AHNAK2: variants seen among roughly 807,000 people sequenced by gnomAD.
The protein encoded by AHNAK2 is AHNAK nucleoprotein 2.
Under a neutral mutation model 30.7 loss-of-function variants are expected in AHNAK2, and 18 were observed. The ratio of observed to expected loss-of-function variants is 0.59; its 90% confidence interval spans 0.41 to 0.87. The LOEUF (loss-of-function observed/expected upper bound fraction) is 0.87. Among genes scored for constraint, AHNAK2 ranks in the 40% least tolerant of loss-of-function variants. The pLI, the probability that AHNAK2 is intolerant of heterozygous loss-of-function variation, is 0.00. For missense variants in AHNAK2, 8,604 were observed against 7,373.0 expected (o/e 1.17, Z -6.11); for synonymous variants, 3,590 against 3,073.8 (o/e 1.17, Z -5.56).
At position 104,947,276 on chromosome 14, in the gene AHNAK2, GGCTCCCTC is replaced by G; in HGVS notation, c.8167_8174del (p.Glu2723ArgfsTer18). ...GCTTGGGCAGGTGCCCTTTGAGGCCGGCTCCCTCGGGAACGTGGCCCTCTGGGAGTTTC... is the reference window on the plus strand; with the variant it reads ...GCTTGGGCAGGTGCCCTTTGAGGCCGGGGAACGTGGCCCTCTGGGAGTTTC... On this transcript the variant is annotated frameshift_variant, in exon 7 of 7. Coordinates refer to ENST00000333244, the MANE Select transcript of AHNAK2 (RefSeq NM_138420.4). LOFTEE classifies it low-confidence loss of function (END_TRUNC). 6.2e-7 allele frequency: 1 copy of G among 1,611,314 alleles called. No homozygotes were observed. The highest frequency in any genetic ancestry group is 8.5e-7 in the Non-Finnish European group (1 of 1,179,282).
Position 104,951,379 on chromosome 14 carries a change from C to T in AHNAK2, c.4072G>A (p.Val1358Met). ...GAGGGGAGGCTCATGTCGGCCTCCA[C>T]CTTGGGTGCAGACAGGTCCACGGAG... ...EASVDLSAPK[V>M]EADMSLPSMQ... The change falls in exon 7 of 7, where the codon GTG (valine) becomes ATG (methionine). Residue 1358 changes from valine (V) to methionine (M), a missense_variant. Transcript: ENST00000333244. 1 of 1,073,878 alleles carries T rather than the reference C, an allele frequency of 9.3e-7. No individual in the cohort carries two copies. The highest frequency in any genetic ancestry group is 1.4e-6 in the Non-Finnish European group (1 of 738,416). 66.5% of individuals were successfully genotyped at this position (1,073,878 alleles called of 1,614,324 possible). A position where few individuals can be genotyped will look rare whatever the true frequency, so the allele number is the denominator to read the frequency against.
chr14:104,942,086 G>C lies in AHNAK2; in HGVS notation c.13365C>G (p.Asp4455Glu). The change falls in exon 7 of 7, where the codon GAC becomes GAG. Residue 4455 changes from aspartate to glutamate, a missense_variant. Coordinates refer to ENST00000333244, the MANE Select transcript of AHNAK2 (RefSeq NM_138420.4). Reference sequence around the variant, plus strand: ...TGAACTTGCTGTCTTTGGCAGTCACGTCCTTGTCAGCCAGGGACAGGTCCC... The same window carrying C: ...TGAACTTGCTGTCTTTGGCAGTCACCTCCTTGTCAGCCAGGGACAGGTCCC... ...LEGDLSLADK[D>E]VTAKDSKFKM... is the part of the protein sequence containing the mutation. 6.2e-7 allele frequency: 1 copy of C among 1,609,194 alleles called. No homozygotes were observed. The highest frequency in any genetic ancestry group is 8.5e-7 in the Non-Finnish European group (1 of 1,178,170).
At position 104,944,911 on chromosome 14, in the gene AHNAK2, C is replaced by G; in HGVS notation, c.10540G>C (p.Gly3514Arg). 8 of 1,613,182 alleles carry G rather than the reference C, an allele frequency of 5.0e-6. No homozygotes were observed. The highest frequency in any genetic ancestry group is 6.8e-6 in the Non-Finnish European group (8 of 1,179,600). ...EADVSLSSMQ[G>R]DLKATDLSIQ... ...CTGAGGTCAGTGGCCTTGAGGTCCC[C>G]CTGCATGGAGGAGAGGCTCACGTCG... Residue 3514 changes from glycine (G) to arginine (R), a missense_variant, in exon 7 of 7, where the codon GGG (glycine) becomes CGG (arginine). By Grantham distance (125) the Gly-to-Arg change is moderately radical. Coordinates refer to ENST00000333244, the MANE Select transcript of AHNAK2 (RefSeq NM_138420.4).
chr14:104,945,747 T>A lies in AHNAK2; in HGVS notation c.9704A>T (p.Lys3235Met), dbSNP rs368948918. Residue 3235 changes from lysine to methionine, a missense_variant, in exon 7 of 7, where the codon AAG becomes ATG. Physicochemically the swap from Lys to Met is moderately conservative, Grantham distance 95 (BLOSUM62 -1). Coordinates refer to ENST00000333244, the MANE Select transcript of AHNAK2 (RefSeq NM_138420.4). ...HLPKLQMPSFKMPKVDRKGPQ... is the reference protein window; with the variant it reads ...HLPKLQMPSFMMPKVDRKGPQ... ...GCCCTTGCGATCTACTTTGGGCATC[T>A]TGAAACTGGGCATCTGCAACTTGGG... 61 of 1,597,634 alleles carry A rather than the reference T, an allele frequency of 3.8e-5. 1 individual carries two copies. Among genetic ancestry groups the A allele is most frequent in the Non-Finnish European group, 5.1e-5 (60 of 1,170,704 alleles).
At chr14:104,957,593 C>T (rs1208295636) in intron 2 of AHNAK2, 21 bp downstream of exon 2, 4 of 1,607,874 alleles carry the variant, frequency 2.5e-6, no homozygotes, top group African/African-American at 2.7e-5. Flanking sequence ...GGAGGACACA[C>T]TTCCTCCTGC....
At chr14:104,964,178 A>G (rs1378272817) in intron 1 of AHNAK2, among the ~76,000 whole-genome samples, 1 of 152,244 alleles carries the variant, frequency 6.6e-6, no homozygotes, top group Non-Finnish European at 1.5e-5. Flanking sequence ...TATGGGCAAG[A>G]AAACACTGGA....
intron 1 of AHNAK2, among the ~76,000 whole-genome samples, chr14:104,971,139 C>T (rs1233480169): frequency 1.3e-5 from 2 of 152,140 alleles, no homozygotes; most frequent in Non-Finnish European, 2.9e-5. Context: ...TTTTTTGAAA[C>T]AGGGTCTCTC....
Position 104,941,296 on chromosome 14 carries a change from C to T in AHNAK2, c.14155G>A (p.Asp4719Asn). The change falls in exon 7 of 7, where the codon GAT (aspartate) becomes AAT (asparagine). Residue 4719 changes from aspartate (D) to asparagine (N), a missense_variant. Physicochemically the swap from Asp to Asn is conservative, Grantham distance 23. Transcript: ENST00000333244. ...GACTTTGCACCTGGGACTAAACTAT[C>T]TTTAGGAGTTTTGGTAGAAGAAAAT... ...VSFSSTKTPK[D>N]SLVPGAKSSI... 3 of 1,613,570 alleles carry T rather than the reference C, an allele frequency of 1.9e-6. No individual in the cohort carries two copies. The highest frequency in any genetic ancestry group is 2.5e-6 in the Non-Finnish European group (3 of 1,179,854).
intron 5 of AHNAK2, 111 bp downstream of exon 5, chr14:104,955,372 G>C (rs759619237): frequency 1.1e-4 from 154 of 1,446,434 alleles, no homozygotes; most frequent in Non-Finnish European, 1.4e-4. Flanking sequence ...AGAGGCGTGA[G>C]GAGGTCATCC....
Position 104,952,978 on chromosome 14 carries a change from CCTT to C in AHNAK2, c.2470_2472del (p.Lys824del), listed in dbSNP as rs755994272. On this transcript the variant is annotated inframe_deletion, in exon 7 of 7. Coordinates refer to ENST00000333244, the MANE Select transcript of AHNAK2 (RefSeq NM_138420.4). ...AACTTGCTGTCTTTGGCAGTCACCT[CCTT>C]GTCGGCCAGGGACAGGTCCCCCTCC... 1.2e-4 allele frequency: 192 copies of C among 1,612,768 alleles called. No homozygotes were observed. The highest frequency in any genetic ancestry group is 4.7e-4 in the Admixed American group (28 of 59,940).
chr14:104,968,667 G>C (rs1310049620), intron 1 of AHNAK2, among the ~76,000 whole-genome samples: 3 of 152,242 alleles, frequency 2.0e-5, no homozygotes, highest in Non-Finnish European at 2.9e-5. Flanking sequence ...GGGTGCATTT[G>C]CAAGTCCCCA....
intron 1 of AHNAK2, among the ~76,000 whole-genome samples, chr14:104,975,158 G>T (rs1899562891): frequency 6.6e-6 from 1 of 152,230 alleles, no homozygotes; most frequent in Non-Finnish European, 1.5e-5. Flanking sequence ...GACGAGCCCG[G>T]ATGGGAGTGG....
intron 1 of AHNAK2, among the ~76,000 whole-genome samples, chr14:104,961,469 C>A (rs975387141): frequency 6.7e-6 from 1 of 149,070 alleles, no homozygotes; most frequent in African/African-American, 2.5e-5. Flanking sequence ...GAGCCGAGAT[C>A]GCGTCACTGC....
chr14:104,948,324 T>C lies in AHNAK2; in HGVS notation c.7127A>G (p.Glu2376Gly), dbSNP rs888958577. Residue 2376 changes from glutamate to glycine, a missense_variant, in exon 7 of 7, where the codon GAG becomes GGG. Transcript: ENST00000333244. ...LSVQPPSADLEVQAGQVDVKL... is the reference protein window; with the variant it reads ...LSVQPPSADLGVQAGQVDVKL... ...CACATCCACTTGGCCAGCCTGGACC[T>C]CCAGGTCAGCGGAAGGGGGCTGAAC... 2 of 1,612,368 alleles carry C rather than the reference T, an allele frequency of 1.2e-6. No individual in the cohort carries two copies. The highest frequency in any genetic ancestry group is 2.2e-5 in the South Asian group (2 of 91,030).
rs1411414301 is a variant in AHNAK2 at position 104,953,514 on chromosome 14, G to T, written c.1937C>A (p.Thr646Lys). The change falls in exon 7 of 7, where the codon ACA becomes AAA. Residue 646 changes from threonine to lysine, a missense_variant. Physicochemically the swap from Thr to Lys is moderately conservative, Grantham distance 78. Transcript: ENST00000333244. ...TTCATCGTGTATTAGTTGTATTTTT[G>T]TTGTGTTTGTCATTGAGTCACTGTC... ...KEDSDSMTNTTKIQLIHDEKR... is the reference protein window; with the variant it reads ...KEDSDSMTNTKKIQLIHDEKR... 6.2e-6 allele frequency: 10 copies of T among 1,613,748 alleles called. 1 individual carries two copies. In the Admixed American group the frequency reaches 1.5e-4, roughly 24 times the overall value.
intron 1 of AHNAK2, among the ~76,000 whole-genome samples, chr14:104,960,224 G>A (rs1412648555): frequency 1.3e-5 from 2 of 152,176 alleles, no homozygotes; most frequent in South Asian, 2.1e-4. Context: ...AAAGGAGTAG[G>A]AGGAGAGGGT....
In AHNAK2 at chr14:104,941,129, G is replaced by T; in HGVS notation, c.14322C>A (p.Leu4774=). 2.5e-6 allele frequency: 4 copies of T among 1,613,612 alleles called. No homozygotes were observed. Among genetic ancestry groups the T allele is most frequent in the Non-Finnish European group, 3.4e-6 (4 of 1,179,892 alleles). Residue 4774 remains leucine, a synonymous_variant, in exon 7 of 7, where the codon CTC becomes CTA. Transcript: ENST00000333244. ...TAGAAGATTCAAAGTGAGGACCAGTGAGATCAAGCCGGGATGATGGAAACC... is the reference window on the plus strand; with the variant it reads ...TAGAAGATTCAAAGTGAGGACCAGTTAGATCAAGCCGGGATGATGGAAACC... ...FAGFPSSRLD[L]TGPHFESSIL... is the part of the protein sequence containing the mutation.
chr14:104,949,170 T>C lies in AHNAK2; in HGVS notation c.6281A>G (p.Lys2094Arg), dbSNP rs757817522. 4 of 1,071,716 alleles carry C rather than the reference T, an allele frequency of 3.7e-6. No homozygotes were observed. The African/African-American group carries it at 4.2e-5, about 11-fold the overall frequency. The allele number at this position is 1,071,716 out of a possible 1,614,324, so 66.4% of individuals were successfully genotyped here. ...VDLKGPQVDI[K>R]GPKLDLKDPK... ...GTCTTTTAGGTCCAGTTTGGGGCCC[T>C]TGATGTCCACCTGGGGGCCCTTGAG... The change falls in exon 7 of 7, where the codon AAG (lysine) becomes AGG (arginine). Residue 2094 changes from lysine (K) to arginine (R), a missense_variant. Physicochemically the swap from Lys to Arg is conservative, Grantham distance 26. Coordinates refer to ENST00000333244, the MANE Select transcript of AHNAK2 (RefSeq NM_138420.4).
At chr14:104,969,028 G>A (rs1354011090) in intron 1 of AHNAK2, among the ~76,000 whole-genome samples, 3 of 152,194 alleles carry the variant, frequency 2.0e-5, no homozygotes, top group South Asian at 2.1e-4. Flanking sequence ...GGTGCCAAGC[G>A]GGCTGACTGT....
Sources: gnomAD v4.1 joint callset for allele counts (sites outside exome capture counted in the v4.1 genomes callset) on GRCh38, gnomAD v4.1.1 for gene constraint, MANE v1.5 for transcripts, NCBI Gene and HGNC (gene_info 2026-07-23, HGNC 2026-07-21) for gene names.